Variants in SON observed in about 807,000 individuals in gnomAD.
SON encodes SON DNA and RNA binding protein.
A neutral mutation model predicts 173.3 loss-of-function variants in SON; 4 were observed. That is an observed-to-expected ratio of 0.02 (90% CI 0.01 to 0.05). The LOEUF is 0.05. SON is among the 10% of genes least tolerant of loss of function. SON has a pLI of 1.00. For missense variants in SON, 2,626 were observed against 3,055.3 expected (o/e 0.86, Z 3.31); for synonymous variants, 1,190 against 1,105.9 (o/e 1.08, Z -1.51).
At position 33,559,979 on chromosome 21, in the gene SON, C is replaced by T; in HGVS notation, c.6657+204C>T. ...CAATTCACTTTGTGGAACCAAGCCA[C>T]AAAGTGAAAAGCATCGAATTGCAGA... is the stretch of plus-strand genomic sequence containing the variant. On this transcript the variant is annotated intron_variant, in intron 6 of 11. Transcript: ENST00000356577. This position sits in a 1 kb window ranked among gnomAD's most constrained non-coding sequence, Gnocchi z 4.1. 1 of 1,614,164 alleles carries T rather than the reference C, an allele frequency of 6.2e-7. No homozygotes were observed.
At position 33,555,119 on chromosome 21, in the gene SON, GCAGCCGCACCCC is replaced by G. The variant is rs2085934518; in HGVS notation, c.5896_5907del (p.Thr1966_Arg1969del). Reference sequence around the variant, plus strand: ...CGCCGCAGCCGCACCCCCAGCCGCCGCAGCCGCACCCCCAGCCGCCGCAGCCGCACCCCCAGC... The same window carrying G: ...CGCCGCAGCCGCACCCCCAGCCGCCGCAGCCGCCGCAGCCGCACCCCCAGC... On this transcript the variant is annotated inframe_deletion, in exon 3 of 12. Coordinates refer to ENST00000356577, the MANE Select transcript of SON (RefSeq NM_138927.4). 3 of 1,510,662 alleles carry G rather than the reference GCAGCCGCACCCC, an allele frequency of 2.0e-6. No homozygotes were observed. The highest frequency in any genetic ancestry group is 2.7e-5 in the East Asian group (1 of 36,544). 93.6% of individuals were successfully genotyped at this position (1,510,662 alleles called of 1,614,324 possible).
intron 3 of SON, 29 bp downstream of exon 3, chr21:33,555,420 G>A: frequency 6.8e-7 from 1 of 1,478,580 alleles, no homozygotes; most frequent in Non-Finnish European, 9.0e-7. Context: ...TAATGGGATG[G>A]TAGTAGAAAA....
intron 1 of SON, chr21:33,543,524 C>T (rs1601247373): frequency 8.8e-6 from 2 of 226,456 alleles, no homozygotes; most frequent in East Asian, 1.1e-4. Context: ...CCTCCGCCGC[C>T]GCGTATCCCC....
At chr21:33,566,011 T>G (rs1306368051) in intron 6 of SON, among the ~76,000 whole-genome samples, 2 of 152,186 alleles carry the variant, frequency 1.3e-5, no homozygotes. Flanking sequence ...AGACAGGTCT[T>G]ATTCTTAAGA....
chr21:33,562,951 A>C (rs2086095596), intron 6 of SON, among the ~76,000 whole-genome samples: 1 of 152,154 alleles, frequency 6.6e-6, no homozygotes. Flanking sequence ...GTTAAGGTCT[A>C]GTGAATGCTT....
rs767462242 is a variant in SON at position 33,554,362 on chromosome 21, C to G, written c.5131C>G (p.Pro1711Ala). The change falls in exon 3 of 12, where the codon CCT (proline) becomes GCT (alanine). Residue 1711 changes from proline (P) to alanine (A), a missense_variant. Around this residue, in one of 13 missense-constraint regions of SON, gnomAD observed 1,006 missense variants for 895.6 expected, o/e 1.12. Coordinates refer to ENST00000356577, the MANE Select transcript of SON (RefSeq NM_138927.4). ...SSGGEKEVPP[P>A]PKETLPDSGF... ...TGGAGGAGAAAAAGAAGTACCTCCC[C>G]CTCCTAAAGAGACACTGCCTGATTC... 5 of 1,614,064 alleles carry G rather than the reference C, an allele frequency of 3.1e-6. No individual in the cohort carries two copies. The Admixed American group carries it at 5.0e-5, about 16-fold the overall frequency.
chr21:33,557,363 T>A, intron 4 of SON, 47 bp downstream of exon 4: 1 of 1,597,182 alleles, frequency 6.3e-7, no homozygotes, highest in Non-Finnish European at 8.6e-7. Flanking sequence ...ATTATTCCAG[T>A]GATGTTGACT....
chr21:33,544,652 A>C (rs1336537178), intron 1 of SON, among the ~76,000 whole-genome samples: 1 of 152,044 alleles, frequency 6.6e-6, no homozygotes. Flanking sequence ...AGTCTTTTGG[A>C]CTTCTTCATG....
intron 1 of SON, among the ~76,000 whole-genome samples, chr21:33,544,246 T>A (rs2145795756): frequency 6.6e-6 from 1 of 152,366 alleles, no homozygotes; most frequent in South Asian, 2.1e-4. Flanking sequence ...GAATTATCAC[T>A]TTTGCAGAAT....
At chr21:33,544,537 ATTTCATTTCCCCC>A (rs1268344139) in intron 1 of SON, among the ~76,000 whole-genome samples, 4 of 149,742 alleles carry the variant, frequency 2.7e-5, no homozygotes, top group African/African-American at 9.6e-5. Context: ...TTCTCATGTC[ATTTCATTTCCCCC>A]CCCATGTATT....
At chr21:33,566,514 T>C (rs1034194617) in intron 6 of SON, among the ~76,000 whole-genome samples, 9 of 111,376 alleles carry the variant, frequency 8.1e-5, no homozygotes, top group Admixed American at 6.5e-4. Flanking sequence ...TCCACAGAAA[T>C]ATTGTAATTA....
At chr21:33,564,880 AATG>A (rs2086137938) in intron 6 of SON, among the ~76,000 whole-genome samples, 1 of 151,444 alleles carries the variant, frequency 6.6e-6, no homozygotes, top group Non-Finnish European at 1.5e-5. Flanking sequence ...AAAAAAAAAA[AATG>A]AAACCAGTAG....
chr21:33,565,110 A>T (rs888674533), intron 6 of SON, among the ~76,000 whole-genome samples: 6 of 152,194 alleles, frequency 3.9e-5, no homozygotes, highest in African/African-American at 7.2e-5. Context: ...ATGGTGAGGC[A>T]TTTAGGTTAA....
rs1026401667 is a variant in SON at position 33,559,477 on chromosome 21, CTG to C, written c.6468+104_6468+105del. ...AGTTTATTAATTTTTGTTTTAAATACTGTGAGAAATAATGGATAATATCATTT... is the reference window on the plus strand; with the variant it reads ...AGTTTATTAATTTTTGTTTTAAATACTGAGAAATAATGGATAATATCATTT... On this transcript the variant is annotated intron_variant, in intron 5 of 11. Transcript: ENST00000356577. This position sits in a 1 kb window ranked among gnomAD's most constrained non-coding sequence, Gnocchi z 4.1. 1 of 1,470,840 alleles carries C rather than the reference CTG, an allele frequency of 6.8e-7. No individual in the cohort carries two copies. Among genetic ancestry groups the C allele is most frequent in the Non-Finnish European group, 9.2e-7 (1 of 1,088,870 alleles). 91.1% of individuals were successfully genotyped at this position (1,470,840 alleles called of 1,614,324 possible). A position where few individuals can be genotyped will look rare whatever the true frequency, so the allele number is the denominator to read the frequency against.
chr21:33,557,848 G>A, intron 4 of SON: 1 of 493,818 alleles, frequency 2.0e-6, no homozygotes, highest in South Asian at 3.2e-5. Flanking sequence ...GCCATTATCA[G>A]TTCTTCCTGC....
At chr21:33,566,952 G>C (rs1227281652) in intron 6 of SON, among the ~76,000 whole-genome samples, 1 of 152,208 alleles carries the variant, frequency 6.6e-6, no homozygotes, top group East Asian at 1.9e-4. Flanking sequence ...TCTGCGACCT[G>C]TGTGATACTT....
chr21:33,562,628 G>A (rs555007087), intron 6 of SON, among the ~76,000 whole-genome samples: 3 of 152,246 alleles, frequency 2.0e-5, no homozygotes, highest in South Asian at 4.1e-4. Context: ...GACTGTGTGC[G>A]GTACTGCCAT....
At chr21:33,543,264 G>A in intron 1 of SON, 95 bp downstream of exon 1, 2 of 1,216,106 alleles carry the variant, frequency 1.6e-6, no homozygotes, top group Non-Finnish European at 2.4e-6. Context: ...GTCGTTCCCC[G>A]GCTCAGGCCC....
chr21:33,546,277 G>C lies in SON; in HGVS notation c.142G>C (p.Asp48His). 8 of 1,613,876 alleles carry C rather than the reference G, an allele frequency of 5.0e-6. No individual in the cohort carries two copies. Among genetic ancestry groups the C allele is most frequent in the Non-Finnish European group, 6.8e-6 (8 of 1,179,874 alleles). Reference protein sequence around the residue: ...NTPIEGNQAGDAAASARSLPN... With the variant: ...NTPIEGNQAGHAAASARSLPN... Reference sequence around the variant, plus strand: ...ACCCATTGAAGGAAACCAGGCGGGTGATGCAGCTGCCTCTGCCAGGAGTCT... The same window carrying C: ...ACCCATTGAAGGAAACCAGGCGGGTCATGCAGCTGCCTCTGCCAGGAGTCT... Residue 48 changes from aspartate to histidine, a missense_variant, in exon 2 of 12, where the codon GAT becomes CAT. By Grantham distance (81) the Asp-to-His change is moderately conservative. Transcript: ENST00000356577.
Sources: allele counts gnomAD v4.1 joint callset (sites outside exome capture counted in the v4.1 genomes callset), GRCh38; gene constraint gnomAD v4.1.1; regional missense constraint gnomAD v4.1.1; non-coding constraint Gnocchi (gnomAD v3.1); transcripts MANE v1.5; gene names NCBI Gene and HGNC (gene_info 2026-07-23, HGNC 2026-07-21).